Variants in CNTN5 observed in about 807,000 individuals in gnomAD.
CNTN5 encodes contactin-5.
In CNTN5, 77 loss-of-function variants were observed where a neutral mutation model predicts 129.1. The ratio of observed to expected loss-of-function variants is 0.60; its 90% CI spans 0.50 to 0.72. The LOEUF is 0.72. Ranked by LOEUF, CNTN5 falls within the 30% of genes least tolerant of loss-of-function variation. CNTN5 has a pLI of 0.00. For missense variants in CNTN5, 1,478 were observed against 1,328.8 expected (o/e 1.11, Z -1.75); for synonymous variants, 509 against 465.6 (o/e 1.09, Z -1.20).
intron 9 of CNTN5, among the ~76,000 whole-genome samples, chr11:100,024,124 C>A (rs571333941): frequency 6.6e-6 from 1 of 152,194 alleles, no homozygotes; most frequent in Admixed American, 6.5e-5. Flanking sequence ...AGGGAGAGAC[C>A]AGGTGGAGGT....
At chr11:99,684,339 T>C (rs1203646552) in intron 3 of CNTN5, among the ~76,000 whole-genome samples, 1 of 151,956 alleles carries the variant, frequency 6.6e-6, no homozygotes, top group African/African-American at 2.4e-5. Flanking sequence ...TTCTGGAATG[T>C]AGATATAAAA....
In CNTN5 at chr11:100,105,914, C is replaced by A. The variant is rs548090903; in HGVS notation, c.1580+31620C>A. ...ACAACTCTTAGTCAAACAAGCCTTT[C>A]TCTCATAACATTGGCCCCATTTTAC... On this transcript the variant is annotated intron_variant, in intron 13 of 24. Coordinates refer to ENST00000524871, the MANE Select transcript of CNTN5 (RefSeq NM_014361.4). Among the ~76,000 whole-genome samples, 4 of 152,304 alleles carry A rather than the reference C, an allele frequency of 2.6e-5. No individual in the cohort carries two copies. The South Asian group carries it at 8.3e-4, about 32-fold the overall frequency.
intron 3 of CNTN5, among the ~76,000 whole-genome samples, chr11:99,620,508 C>CTTTTTTTTTTTT (rs71050006): frequency 3.7e-5 from 4 of 107,012 alleles, no homozygotes; most frequent in African/African-American, 6.2e-5. Flanking sequence ...TTTTTCTTTT[C>CTTTTTTTTTTTT]TTTTTTTTTT....
intron 2 of CNTN5, among the ~76,000 whole-genome samples, chr11:99,334,820 TA>T (rs1555114013): frequency 1.8e-5 from 1 of 54,116 alleles, no homozygotes; most frequent in Non-Finnish European, 3.5e-5. Context: ...ATATATTTTT[TA>T]AAATAATTCT....
chr11:100,050,115 C>T (rs1409939874), intron 9 of CNTN5, among the ~76,000 whole-genome samples: 1 of 152,060 alleles, frequency 6.6e-6, no homozygotes, highest in Non-Finnish European at 1.5e-5. Context: ...CCCAGCCATC[C>T]CATTACTGGC....
At chr11:99,366,725 C>T (rs913708920) in intron 2 of CNTN5, among the ~76,000 whole-genome samples, 13 of 151,970 alleles carry the variant, frequency 8.6e-5, no homozygotes, top group South Asian at 2.1e-4. Flanking sequence ...AGAAATGAGG[C>T]GGTAATTAGA....
chr11:99,080,056 G>T (rs1183897539), intron 1 of CNTN5, among the ~76,000 whole-genome samples: 1 of 152,106 alleles, frequency 6.6e-6, no homozygotes, highest in African/African-American at 2.4e-5. Context: ...CCCAATAGGT[G>T]CAAAGTGAAT....
At chr11:100,103,212 G>A (rs564578720) in intron 13 of CNTN5, among the ~76,000 whole-genome samples, 1 of 152,156 alleles carries the variant, frequency 6.6e-6, no homozygotes, top group Non-Finnish European at 1.5e-5. Context: ...ATTAGCACGG[G>A]CACATTCTGA....
intron 3 of CNTN5, among the ~76,000 whole-genome samples, chr11:99,787,301 T>A (rs965348018): frequency 2.0e-5 from 3 of 151,694 alleles, no homozygotes; most frequent in African/African-American, 4.8e-5. Context: ...ACAGTATTTT[T>A]AAATTATCAT....
intron 13 of CNTN5, among the ~76,000 whole-genome samples, chr11:100,178,470 G>A (rs910747238): frequency 1.3e-5 from 2 of 152,094 alleles, no homozygotes; most frequent in African/African-American, 4.8e-5. Flanking sequence ...ATTATAGTTT[G>A]ATACATAATT....
chr11:99,474,717 AT>A (rs934557355), intron 2 of CNTN5, among the ~76,000 whole-genome samples: 1 of 152,052 alleles, frequency 6.6e-6, no homozygotes, highest in African/African-American at 2.4e-5. Context: ...ATGTCACTAT[AT>A]TTTTTGAGCG....
intron 3 of CNTN5, among the ~76,000 whole-genome samples, chr11:99,744,969 G>A (rs893776585): frequency 6.6e-6 from 1 of 152,024 alleles, no homozygotes; most frequent in African/African-American, 2.4e-5. Context: ...CCTACTATTC[G>A]ATATCACAAT....
intron 13 of CNTN5, among the ~76,000 whole-genome samples, chr11:100,127,232 A>G (rs527579990): frequency 1.3e-5 from 2 of 149,354 alleles, no homozygotes; most frequent in East Asian, 4.0e-4. Context: ...GAGCCACAGC[A>G]CCCAGCTGGT....
chr11:100,125,307 T>C lies in CNTN5; in HGVS notation c.1580+51013T>C, dbSNP rs140928092. Reference sequence around the variant, plus strand: ...ACTGAATATAATACCCAGTAGCTTTTCAACCTTGGACCTCTCCCTACTTCC... The same window carrying C: ...ACTGAATATAATACCCAGTAGCTTTCCAACCTTGGACCTCTCCCTACTTCC... On this transcript the variant is annotated intron_variant, in intron 13 of 24. Transcript: ENST00000524871. Among the ~76,000 whole-genome samples, 100 of 152,174 alleles carry C rather than the reference T, an allele frequency of 6.6e-4. 2 individuals carry two copies. The highest frequency in any genetic ancestry group is 3.2e-3 in the Admixed American group (49 of 15,264).
intron 3 of CNTN5, among the ~76,000 whole-genome samples, chr11:99,579,229 G>A (rs1029430995): frequency 9.2e-5 from 14 of 152,066 alleles, no homozygotes. Flanking sequence ...TTTGGTTACT[G>A]TAGCCTTGTA....
chr11:99,076,354 C>CA (rs534282456), intron 1 of CNTN5, among the ~76,000 whole-genome samples: 6 of 151,244 alleles, frequency 4.0e-5, no homozygotes, highest in Non-Finnish European at 5.9e-5. Context: ...AAAAACAAAC[C>CA]AAAAAAAAGT....
chr11:99,965,299 G>A (rs1951063945), intron 8 of CNTN5, among the ~76,000 whole-genome samples: 1 of 151,856 alleles, frequency 6.6e-6, no homozygotes, highest in African/African-American at 2.4e-5. Flanking sequence ...TGGTCATTTA[G>A]TGCTATAAAT....
intron 1 of CNTN5, among the ~76,000 whole-genome samples, chr11:99,232,213 C>A (rs1046368127): frequency 8.6e-5 from 13 of 152,028 alleles, no homozygotes; most frequent in African/African-American, 3.1e-4. Flanking sequence ...TAATGGGAAT[C>A]GCACTGAATC....
intron 13 of CNTN5, among the ~76,000 whole-genome samples, chr11:100,116,520 G>T (rs997163419): frequency 6.6e-6 from 1 of 150,574 alleles, no homozygotes; most frequent in Non-Finnish European, 1.5e-5. Context: ...AAAAAAAAAA[G>T]ACTTTTTAAT....
Sources: allele counts gnomAD v4.1 joint callset (sites outside exome capture counted in the v4.1 genomes callset), GRCh38; gene constraint gnomAD v4.1.1; transcripts MANE v1.5; gene names NCBI Gene and HGNC (gene_info 2026-07-23, HGNC 2026-07-21).